The following MYO1F variants were observed in gnomAD, a reference collection of about 807,000 sequenced individuals.
The protein encoded by MYO1F is unconventional myosin-If.
MYO1F carries 60 observed loss-of-function variants against 146.6 expected under a neutral mutation model. The observed-to-expected ratio is 0.41, with a 90% CI of 0.33 to 0.51. MYO1F has a LOEUF of 0.51. Ranked by LOEUF, MYO1F falls within the 20% of genes least tolerant of loss-of-function variation. MYO1F has a pLI of 0.25. For missense variants in MYO1F, 1,274 were observed against 1,534.3 expected, an observed-to-expected ratio of 0.83 and a Z score of 2.83; for synonymous variants, 602 against 602.1, an observed-to-expected ratio of 1.00 and a Z score of 0.00.
chr19:8,566,319 G>C (rs2042003812), intron 1 of MYO1F, among the ~76,000 whole-genome samples: 1 of 148,390 alleles, frequency 6.7e-6, no homozygotes, highest in Non-Finnish European at 1.5e-5. Context: ...AGGCTCCCAC[G>C]GCCATGCCCA....
At chr19:8,544,543 G>A in intron 13 of MYO1F, 79 bp from the exon 14 acceptor site, 1 of 1,463,528 alleles carries the variant, frequency 6.8e-7, no homozygotes, top group South Asian at 1.2e-5. Context: ...CAGAGATTAG[G>A]GGAGGGAGGG....
chr19:8,573,233 C>T (rs2042142970), intron 1 of MYO1F, among the ~76,000 whole-genome samples: 1 of 151,990 alleles, frequency 6.6e-6, no homozygotes, highest in Admixed American at 6.6e-5. Context: ...ATGGCATGAA[C>T]CTAGGAGGTG....
intron 1 of MYO1F, among the ~76,000 whole-genome samples, chr19:8,573,019 T>G (rs2042138611): frequency 6.6e-6 from 1 of 152,164 alleles, no homozygotes; most frequent in African/African-American, 2.4e-5. Flanking sequence ...TTAGAAACAA[T>G]CACTATTGGC....
intron 1 of MYO1F, among the ~76,000 whole-genome samples, chr19:8,574,602 T>TTTCTTTCA (rs2042187228): frequency 1.9e-5 from 1 of 51,416 alleles, no homozygotes. Context: ...TCTCTCTTTC[T>TTTCTTTCA]TTCTTTCTTT....
chr19:8,574,595 CTCTT>C (rs58145523), intron 1 of MYO1F, among the ~76,000 whole-genome samples: 499 of 105,542 alleles, frequency 4.7e-3, no homozygotes, highest in Admixed American at 6.4e-3. Flanking sequence ...CTCTCTCTCT[CTCTT>C]TCTTTCTTTC....
chr19:8,543,354 G>A (rs555385267), intron 14 of MYO1F, among the ~76,000 whole-genome samples: 1 of 152,096 alleles, frequency 6.6e-6, no homozygotes, highest in Non-Finnish European at 1.5e-5. Flanking sequence ...CTTCGGTAGG[G>A]GTCTGTAGGA....
chr19:8,550,908 T>G (rs928590305), intron 8 of MYO1F, among the ~76,000 whole-genome samples: 1 of 151,988 alleles, frequency 6.6e-6, no homozygotes, highest in African/African-American at 2.4e-5. Context: ...TGAGACAGAG[T>G]CTCCCTCTGT....
At position 8,521,489 on chromosome 19, in the gene MYO1F, T is replaced by C. The variant is rs141749665; in HGVS notation, c.*39A>G. ...GCTCCCCACCAGGCCGGCAGGCAGATAGGCGGGCGAAAGAGAAGGCAGTAT... is the reference window on the plus strand; with the variant it reads ...GCTCCCCACCAGGCCGGCAGGCAGACAGGCGGGCGAAAGAGAAGGCAGTAT... On this transcript the variant is annotated 3_prime_UTR_variant, in exon 28 of 28. Coordinates refer to ENST00000644032, the MANE Select transcript of MYO1F (RefSeq NM_012335.4). The C allele has an allele frequency of 1.4e-3, 2,154 of 1,589,278 alleles. 21 individuals carry two copies. The South Asian group carries it at 0.015, about 11-fold the overall frequency.
At chr19:8,563,719 T>C (rs997367217) in intron 1 of MYO1F, among the ~76,000 whole-genome samples, 1 of 151,624 alleles carries the variant, frequency 6.6e-6, no homozygotes, top group Non-Finnish European at 1.5e-5. Context: ...ACTATGTTGG[T>C]CAGGCTGGTC....
In MYO1F at chr19:8,526,896, G is replaced by A. The variant is rs1972294677; in HGVS notation, c.2514C>T (p.Ala838=). ...AGACGCTCTCCAGGAAGCTGTCGGC[G>A]GCATCCTCTTGGAGGATGAAGAAGT... The part of the protein sequence containing the change: ...QDDFFILQED[A]ADSFLESVFK... Residue 838 remains alanine, a synonymous_variant, in exon 23 of 28, where the codon GCC becomes GCT. Coordinates refer to ENST00000644032, the MANE Select transcript of MYO1F (RefSeq NM_012335.4). 6.2e-7 allele frequency: 1 copy of A among 1,614,032 alleles called. No homozygotes were observed. Among genetic ancestry groups the A allele is most frequent in the Non-Finnish European group, 8.5e-7 (1 of 1,179,996 alleles).
intron 27 of MYO1F, 54 bp downstream of exon 27, chr19:8,522,323 A>G: frequency 6.2e-7 from 1 of 1,610,500 alleles, no homozygotes; most frequent in Non-Finnish European, 8.5e-7. Context: ...CGCCCGGCCG[A>G]TGTCAGGGTT....
At position 8,521,680 on chromosome 19, in the gene MYO1F, G is replaced by A. The variant is rs1972065833; in HGVS notation, c.3221-76C>T. The A allele has an allele frequency of 8.9e-6, 12 of 1,349,892 alleles. No individual in the cohort carries two copies. The South Asian group carries it at 1.4e-4, about 16-fold the overall frequency. 83.6% of individuals were successfully genotyped at this position (1,349,892 alleles called of 1,614,324 possible). A position where few individuals can be genotyped will look rare whatever the true frequency, so the allele number is the denominator to read the frequency against. On this transcript the variant is annotated intron_variant, in intron 27 of 27. Coordinates refer to ENST00000644032, the MANE Select transcript of MYO1F (RefSeq NM_012335.4). ...CTCTCATGCCTGGTCTGTCCATCTTGTTCATGGGGACTCCCTATGTTGTCC... is the reference window on the plus strand; with the variant it reads ...CTCTCATGCCTGGTCTGTCCATCTTATTCATGGGGACTCCCTATGTTGTCC...
intron 2 of MYO1F, chr19:8,555,273 G>A: frequency 3.6e-6 from 1 of 278,292 alleles, no homozygotes; most frequent in Non-Finnish European, 7.0e-6. Context: ...GGGAGGCTGA[G>A]GCAGGAGAAT....
chr19:8,556,502 G>T (rs1052043951), intron 1 of MYO1F, among the ~76,000 whole-genome samples: 1 of 119,278 alleles, frequency 8.4e-6, no homozygotes, highest in Non-Finnish European at 1.9e-5. Flanking sequence ...AAGAAAGAAA[G>T]AAAGAGAAAG....
chr19:8,533,259 G>T (rs972831423), intron 19 of MYO1F, among the ~76,000 whole-genome samples: 1 of 151,864 alleles, frequency 6.6e-6, no homozygotes, highest in South Asian at 2.1e-4. Flanking sequence ...GAACTCCTGG[G>T]CTCAAGGAAT....
chr19:8,553,894 A>ACACACACACACACACACACACACTCT, intron 4 of MYO1F, among the ~76,000 whole-genome samples: 18 of 102,660 alleles, frequency 1.8e-4, no homozygotes, highest in East Asian at 6.2e-4. Flanking sequence ...ACACACACAC[A>ACACACACACACACACACACACACTCT]CTCTCTCTCT....
intron 25 of MYO1F, 151 bp from the exon 26 acceptor site, chr19:8,522,980 G>A (rs911204957): frequency 1.5e-5 from 10 of 654,898 alleles, no homozygotes; most frequent in South Asian, 3.5e-5. Flanking sequence ...GGACTCTGCC[G>A]CTAGGAGGGC....
chr19:8,521,339 G>A lies in MYO1F; in HGVS notation c.*189C>T. On this transcript the variant is annotated 3_prime_UTR_variant, in exon 28 of 28. Transcript: ENST00000644032. The stretch of plus-strand genomic sequence containing the variant: ...AGGTGTGATGTTGGAGGAAGACCAG[G>A]GCCCAGGGGCGGGGGCTGCAGCAGT... The A allele has an allele frequency of 3.1e-6, 2 of 648,302 alleles. No individual in the cohort carries two copies. The highest frequency in any genetic ancestry group is 5.6e-6 in the Non-Finnish European group (2 of 357,306). 40.2% of individuals were successfully genotyped at this position (648,302 alleles called of 1,614,324 possible).
At chr19:8,543,996 CTGGTGGTGGCGGTGGCGG>C in intron 14 of MYO1F, 2 of 137,132 alleles carry the variant, frequency 1.5e-5, no homozygotes, top group Non-Finnish European at 2.4e-5. Context: ...GGTGGTGGTG[CTGGTGGTGGCGGTGGCGG>C]TGGCGGTGGC....
Sources: gnomAD v4.1 joint callset for allele counts (sites outside exome capture counted in the v4.1 genomes callset) on GRCh38, gnomAD v4.1.1 for gene constraint, MANE v1.5 for transcripts, NCBI Gene and HGNC (gene_info 2026-07-23, HGNC 2026-07-21) for gene names.